SPATA6L: variants seen among roughly 807,000 people sequenced by gnomAD.
SPATA6L encodes the protein spermatogenesis associated 6 like, also known as spermatogenesis associated 6-like protein.
SPATA6L carries 68 observed loss-of-function variants against 49.2 expected under a neutral mutation model. The ratio of observed to expected loss-of-function variants is 1.38; its 90% confidence interval spans 1.14 to 1.69. The LOEUF is 1.69. Among genes scored for constraint, SPATA6L ranks in the 40% most tolerant of loss-of-function variants. The pLI, the probability that SPATA6L is intolerant of heterozygous loss-of-function variation, is 0.00. For synonymous variants in SPATA6L, 198 were observed against 165.7 expected (o/e 1.19, Z -1.50); for missense variants, 668 against 464.3 (o/e 1.44, Z -4.03).
intron 11 of SPATA6L, among the ~76,000 whole-genome samples, chr9:4,601,915 C>T (rs766293399): frequency 6.6e-6 from 1 of 152,082 alleles, no homozygotes. Context: ...ATAAATGCCC[C>T]GTTTGCTTAA....
intron 11 of SPATA6L, among the ~76,000 whole-genome samples, chr9:4,601,414 A>T: frequency 6.7e-6 from 1 of 150,344 alleles, no homozygotes; most frequent in African/African-American, 2.4e-5. Flanking sequence ...TTTGTGTGGT[A>T]AAATTCACCA....
chr9:4,624,978 G>A (rs1269060621), intron 6 of SPATA6L, among the ~76,000 whole-genome samples: 1 of 152,144 alleles, frequency 6.6e-6, no homozygotes, highest in Non-Finnish European at 1.5e-5. Context: ...TTGATATAGA[G>A]TGTGTGCCAA....
chr9:4,644,685 T>TCTCACACACA (rs1438618515), intron 3 of SPATA6L, among the ~76,000 whole-genome samples: 30 of 107,754 alleles, frequency 2.8e-4, no homozygotes, highest in Admixed American at 5.0e-4. Context: ...TCTCTCTCTC[T>TCTCACACACA]CACACACACA....
At chr9:4,638,759 A>G (rs1251874569) in intron 3 of SPATA6L, among the ~76,000 whole-genome samples, 1 of 151,620 alleles carries the variant, frequency 6.6e-6, no homozygotes, top group Non-Finnish European at 1.5e-5. Flanking sequence ...TATAGTGTTA[A>G]GAACTCTTTT....
chr9:4,640,790 T>G (rs1833865941), intron 3 of SPATA6L, among the ~76,000 whole-genome samples: 1 of 152,176 alleles, frequency 6.6e-6, no homozygotes, highest in Non-Finnish European at 1.5e-5. Flanking sequence ...AATTCAAATT[T>G]AATTCCACTA....
chr9:4,621,215 A>T (rs1212302189), intron 7 of SPATA6L, among the ~76,000 whole-genome samples: 1 of 152,202 alleles, frequency 6.6e-6, no homozygotes, highest in African/African-American at 2.4e-5. Context: ...CTTCACCGAC[A>T]TGACCTTCAC....
At chr9:4,654,482 G>T (rs1193052081) in intron 3 of SPATA6L, among the ~76,000 whole-genome samples, 1 of 152,174 alleles carries the variant, frequency 6.6e-6, no homozygotes, top group Non-Finnish European at 1.5e-5. Flanking sequence ...CCGTCTATAG[G>T]TGGCTTGTGT....
chr9:4,590,304 T>C (rs760364508), intron 13 of SPATA6L, among the ~76,000 whole-genome samples: 2 of 152,218 alleles, frequency 1.3e-5, no homozygotes, highest in East Asian at 1.9e-4. Context: ...ATGGAAATGA[T>C]CGGGACATTT....
At chr9:4,661,469 G>A (rs990142028) in intron 2 of SPATA6L, among the ~76,000 whole-genome samples, 1 of 115,280 alleles carries the variant, frequency 8.7e-6, no homozygotes, top group Non-Finnish European at 1.7e-5. Context: ...CAGCCTTTTT[G>A]TTACAGGATT....
rs78203548 is a variant in SPATA6L at position 4,651,692 on chromosome 9, T to TAA, written c.226+4347_226+4348dup. 9.6e-3 allele frequency among the ~76,000 whole-genome samples: 1,461 copies of TAA among 151,954 alleles called. 11 individuals carry two copies. The highest frequency in any genetic ancestry group is 0.012 in the Non-Finnish European group (831 of 67,944). ...AATCACATATCAATGAAATAAAGGA[T>TAA]AAAAAAATCACATGATCATCTCAAT... On this transcript the variant is annotated intron_variant, in intron 3 of 11. Coordinates refer to ENST00000682582, the MANE Select transcript of SPATA6L (RefSeq NM_001353486.2).
chr9:4,629,059 C>T, intron 5 of SPATA6L, 32 bp downstream of exon 5: 1 of 1,466,176 alleles, frequency 6.8e-7, no homozygotes, highest in Non-Finnish European at 9.4e-7. Flanking sequence ...AAAATCCGGT[C>T]ATTTCTATCA....
intron 3 of SPATA6L, among the ~76,000 whole-genome samples, chr9:4,652,250 G>A (rs926728603): frequency 1.3e-4 from 20 of 151,952 alleles, no homozygotes; most frequent in African/African-American, 2.7e-4. Context: ...GAGAAACCCC[G>A]TCTCTACTAA....
Position 4,590,000 on chromosome 9 carries a change from T to G in SPATA6L, c.*255-1039A>C, listed in dbSNP as rs550438046. Among the ~76,000 whole-genome samples the G allele has an allele frequency of 6.6e-4, 101 of 152,326 alleles. 1 individual carries two copies. Among genetic ancestry groups the G allele is most frequent in the African/African-American group, 2.4e-3 (98 of 41,570 alleles). On this transcript the variant is annotated intron_variant and NMD_transcript_variant, in intron 13 of 13. Transcript: ENST00000461761. ...GTGCAGTGGCGCGATCTTGGTTCAC[T>G]GCAACCTCTGCCTCCTAGGTTCAAG...
At chr9:4,661,581 G>A (rs1019120000) in intron 2 of SPATA6L, among the ~76,000 whole-genome samples, 7 of 151,506 alleles carry the variant, frequency 4.6e-5, no homozygotes, top group African/African-American at 1.7e-4. Context: ...AATCCCTTTC[G>A]TAAATGTAAT....
At chr9:4,627,807 C>T (rs1287276254) in intron 5 of SPATA6L, 12 of 1,289,240 alleles carry the variant, frequency 9.3e-6, no homozygotes, top group Non-Finnish European at 1.2e-5. Context: ...AGAAAGGTGG[C>T]CCCATGTTTA....
chr9:4,598,533 G>A lies in SPATA6L; in HGVS notation c.*2278C>T, dbSNP rs184769945. 3.3e-5 allele frequency among the ~76,000 whole-genome samples: 5 copies of A among 151,914 alleles called. No individual in the cohort carries two copies. Among genetic ancestry groups the A allele is most frequent in the Admixed American group, 2.0e-4 (3 of 15,270 alleles). The stretch of plus-strand genomic sequence containing the variant: ...AGAGTTAATAGATGCAAAAGTAAAG[G>A]GAAAAAAAGCGTAATTTAGTGTGAA... On this transcript the variant is annotated 3_prime_UTR_variant, in exon 12 of 12. Coordinates refer to ENST00000682582, the MANE Select transcript of SPATA6L (RefSeq NM_001353486.2).
intron 3 of SPATA6L, among the ~76,000 whole-genome samples, chr9:4,651,929 T>C (rs1474546533): frequency 6.6e-6 from 1 of 152,218 alleles, no homozygotes; most frequent in African/African-American, 2.4e-5. Flanking sequence ...TATTCAATAC[T>C]GTACTGGAGA....
chr9:4,591,841 A>G (rs1168790338), intron 13 of SPATA6L, among the ~76,000 whole-genome samples: 1 of 152,178 alleles, frequency 6.6e-6, no homozygotes, highest in Non-Finnish European at 1.5e-5. Flanking sequence ...ATATCAATCC[A>G]GGCAGACAGT....
chr9:4,662,185 T>C lies in SPATA6L; in HGVS notation c.40-149A>G. The C allele has an allele frequency of 6.9e-7, 1 of 1,446,554 alleles. No individual in the cohort carries two copies. Among genetic ancestry groups the C allele is most frequent in the Non-Finnish European group, 9.1e-7 (1 of 1,103,122 alleles). The allele number at this position is 1,446,554 out of a possible 1,614,324, so 89.6% of individuals were successfully genotyped here. A position where few individuals can be genotyped will look rare whatever the true frequency, so the allele number is the denominator to read the frequency against. On this transcript the variant is annotated intron_variant, in intron 1 of 11. Transcript: ENST00000682582. The surrounding 1 kb of genome is among the most constrained non-coding windows in gnomAD (Gnocchi z 4.9). ...TCACCTGTACCTCCCAACGCCAACA[T>C]CCTCCCCTCTGCTCTCCTCACATTG...
Sources: gnomAD v4.1 joint callset for allele counts (sites outside exome capture counted in the v4.1 genomes callset) on GRCh38, gnomAD v4.1.1 for gene constraint, Gnocchi (gnomAD v3.1) non-coding constraint, MANE v1.5 for transcripts, NCBI Gene and HGNC (gene_info 2026-07-23, HGNC 2026-07-21) for gene names.